Variants in PLPPR1 observed in about 807,000 individuals in gnomAD.
PLPPR1 encodes phospholipid phosphatase related 1.
Under a neutral mutation model 33.1 loss-of-function variants are expected in PLPPR1, and 10 were observed. That is an observed-to-expected ratio of 0.30 (90% CI 0.19 to 0.51). The LOEUF is 0.51. PLPPR1 is among the 20% of genes least tolerant of loss of function. The pLI is 0.97. For missense variants in PLPPR1, 304 were observed against 408.1 expected (o/e 0.74, Z 2.20); for synonymous variants, 151 against 151.0 (o/e 1.00, Z 0.00).
chr9:101,157,601 T>G (rs1405875282), intron 1 of PLPPR1, among the ~76,000 whole-genome samples: 2 of 152,130 alleles, frequency 1.3e-5, no homozygotes, highest in Non-Finnish European at 2.9e-5. Flanking sequence ...ATATCGGTAC[T>G]TAAATAGTTT....
intron 1 of PLPPR1, among the ~76,000 whole-genome samples, chr9:101,029,552 G>T (rs1286219451): frequency 1.3e-5 from 2 of 152,188 alleles, no homozygotes; most frequent in African/African-American, 4.8e-5. Context: ...CAAGCTGTAA[G>T]GGTTGCCATT....
At chr9:101,316,907 G>A (rs1829063813) in intron 6 of PLPPR1, among the ~76,000 whole-genome samples, 1 of 152,118 alleles carries the variant, frequency 6.6e-6, no homozygotes, top group Non-Finnish European at 1.5e-5. Flanking sequence ...CAATCTCTGT[G>A]TGACCTTGGG....
At chr9:101,306,424 T>C (rs1828860103) in intron 4 of PLPPR1, among the ~76,000 whole-genome samples, 1 of 152,252 alleles carries the variant, frequency 6.6e-6, no homozygotes, top group African/African-American at 2.4e-5. Flanking sequence ...TCACCTGCTC[T>C]GCAGCTGATT....
intron 2 of PLPPR1, among the ~76,000 whole-genome samples, chr9:101,253,548 A>G: frequency 6.8e-6 from 1 of 147,504 alleles, no homozygotes; most frequent in South Asian, 2.1e-4. Context: ...CTCCAAAAAT[A>G]AAAAAAAAAA....
intron 1 of PLPPR1, among the ~76,000 whole-genome samples, chr9:101,059,799 CAAAAAGACAAGAT>C (rs1046567575): frequency 2.0e-5 from 3 of 151,890 alleles, no homozygotes; most frequent in Admixed American, 1.3e-4. Context: ...TGGCAATTAT[CAAAAAGACAAGAT>C]AACGAGTGCT....
chr9:101,075,570 A>G (rs1033750384), intron 1 of PLPPR1, among the ~76,000 whole-genome samples: 2 of 152,200 alleles, frequency 1.3e-5, no homozygotes, highest in African/African-American at 4.8e-5. Flanking sequence ...GTGCCTAGTG[A>G]AAAAAGCTCT....
chr9:101,286,409 A>T (rs1828395916), intron 4 of PLPPR1, among the ~76,000 whole-genome samples, 173 bp downstream of exon 4: 1 of 152,198 alleles, frequency 6.6e-6, no homozygotes, highest in Non-Finnish European at 1.5e-5. Context: ...GGTACTTCTT[A>T]AATTGTCTTA....
At chr9:101,259,095 C>G (rs1256512303) in intron 2 of PLPPR1, among the ~76,000 whole-genome samples, 1 of 152,062 alleles carries the variant, frequency 6.6e-6, no homozygotes, top group Non-Finnish European at 1.5e-5. Flanking sequence ...TTATTATATG[C>G]TCTACATTTC....
chr9:101,215,515 G>A (rs567085068), intron 2 of PLPPR1, among the ~76,000 whole-genome samples: 2 of 152,208 alleles, frequency 1.3e-5, no homozygotes, highest in East Asian at 1.9e-4. Context: ...TCCTGACCTC[G>A]TGATCCCCCT....
At chr9:101,286,931 C>T (rs1828404444) in intron 4 of PLPPR1, among the ~76,000 whole-genome samples, 1 of 152,160 alleles carries the variant, frequency 6.6e-6, no homozygotes, top group Non-Finnish European at 1.5e-5. Context: ...ACAAATACCT[C>T]CTGACCAGAT....
At chr9:101,292,786 A>C (rs1282335456) in intron 4 of PLPPR1, among the ~76,000 whole-genome samples, 1 of 151,832 alleles carries the variant, frequency 6.6e-6, no homozygotes, top group Non-Finnish European at 1.5e-5. Context: ...GCCTGCTCTA[A>C]AAGAGCTCCT....
chr9:101,128,832 TAACTC>T (rs1371930161), intron 1 of PLPPR1, among the ~76,000 whole-genome samples: 1 of 152,160 alleles, frequency 6.6e-6, no homozygotes, highest in Non-Finnish European at 1.5e-5. Flanking sequence ...GTACTCAAGT[TAACTC>T]AATCAATAGA....
At chr9:101,055,580 C>A (rs1285136096) in intron 1 of PLPPR1, among the ~76,000 whole-genome samples, 1 of 152,182 alleles carries the variant, frequency 6.6e-6, no homozygotes, top group Non-Finnish European at 1.5e-5. Flanking sequence ...TCTTCCTGCT[C>A]CATTATTTAT....
intron 2 of PLPPR1, among the ~76,000 whole-genome samples, chr9:101,200,068 C>T (rs1826466802): frequency 6.6e-6 from 1 of 152,132 alleles, no homozygotes; most frequent in South Asian, 2.1e-4. Flanking sequence ...CTGTCCTCTG[C>T]CTGAGGCTGT....
chr9:101,309,113 A>G (rs1828908679), intron 4 of PLPPR1, 98 bp from the exon 5 acceptor site: 2 of 1,228,226 alleles, frequency 1.6e-6, no homozygotes, highest in Admixed American at 1.8e-5. Context: ...AATCATTTTG[A>G]TAGGTCATCA....
At chr9:101,305,981 A>T (rs1403569475) in intron 4 of PLPPR1, among the ~76,000 whole-genome samples, 1 of 152,154 alleles carries the variant, frequency 6.6e-6, no homozygotes, top group Non-Finnish European at 1.5e-5. Flanking sequence ...CTCTTTCTTT[A>T]TCCTTTGTTT....
chr9:101,032,122 A>G (rs1424754399), intron 1 of PLPPR1, among the ~76,000 whole-genome samples: 1 of 152,162 alleles, frequency 6.6e-6, no homozygotes, highest in Non-Finnish European at 1.5e-5. Flanking sequence ...AGCGACAGAT[A>G]TGGGTTCTTA....
chr9:101,078,667 T>C (rs1051015537), intron 1 of PLPPR1, among the ~76,000 whole-genome samples: 6 of 152,100 alleles, frequency 3.9e-5, no homozygotes, highest in Non-Finnish European at 7.4e-5. Flanking sequence ...CACTCCAGCC[T>C]GGGCGACAGA....
intron 7 of PLPPR1, among the ~76,000 whole-genome samples, chr9:101,321,614 T>G (rs1321333122): frequency 6.6e-6 from 1 of 152,100 alleles, no homozygotes; most frequent in Non-Finnish European, 1.5e-5. Context: ...TGTTGTTCAG[T>G]TGAGTTCTTG....
Sources: gnomAD v4.1 joint callset for allele counts (sites outside exome capture counted in the v4.1 genomes callset) on GRCh38, gnomAD v4.1.1 for gene constraint, MANE v1.5 for transcripts, NCBI Gene and HGNC (gene_info 2026-07-23, HGNC 2026-07-21) for gene names.